The following NKAIN2 variants were observed in gnomAD, a reference collection of about 807,000 sequenced individuals.
NKAIN2 encodes the protein sodium/potassium-transporting ATPase subunit beta-1-interacting protein 2.
NKAIN2 carries 14 observed loss-of-function variants against 32.6 expected under a neutral mutation model. The ratio of observed to expected loss-of-function variants is 0.43; its 90% CI spans 0.28 to 0.67. NKAIN2 has a LOEUF of 0.67. Ranked by LOEUF, NKAIN2 falls within the 30% of genes least tolerant of loss-of-function variation. The pLI, the probability that NKAIN2 is intolerant of heterozygous loss-of-function variation, is 0.17. For missense variants in NKAIN2, 198 were observed against 258.3 expected (o/e 0.77, Z 1.60); for synonymous variants, 80 against 87.2 (o/e 0.92, Z 0.46).
intron 3 of NKAIN2, among the ~76,000 whole-genome samples, chr6:124,561,337 A>C (rs1410283517): frequency 2.0e-5 from 3 of 152,170 alleles, no homozygotes; most frequent in African/African-American, 7.2e-5. Flanking sequence ...CTTTCCCATG[A>C]CATTTGCAAT....
At chr6:124,446,775 G>C (rs191283884) in intron 3 of NKAIN2, among the ~76,000 whole-genome samples, 90 of 152,154 alleles carry the variant, frequency 5.9e-4, no homozygotes, top group African/African-American at 1.9e-3. Flanking sequence ...CTCCTTTGTA[G>C]GTATATACAG....
chr6:124,606,441 T>C (rs1782501241), intron 3 of NKAIN2, among the ~76,000 whole-genome samples: 1 of 152,076 alleles, frequency 6.6e-6, no homozygotes, highest in African/African-American at 2.4e-5. Flanking sequence ...AGTGCTATAG[T>C]CTTTAATAGT....
At chr6:124,140,187 G>A (rs1436904265) in intron 1 of NKAIN2, among the ~76,000 whole-genome samples, 1 of 152,130 alleles carries the variant, frequency 6.6e-6, no homozygotes, top group Non-Finnish European at 1.5e-5. Context: ...TTGCCCCTGA[G>A]ACCTTCCTTT....
intron 1 of NKAIN2, among the ~76,000 whole-genome samples, chr6:124,133,984 C>G (rs538718483): frequency 6.6e-6 from 1 of 151,558 alleles, no homozygotes; most frequent in East Asian, 1.9e-4. Flanking sequence ...TCTATAACAC[C>G]CCCGAAAGAT....
intron 1 of NKAIN2, among the ~76,000 whole-genome samples, chr6:124,161,851 C>T (rs1766134215): frequency 6.6e-6 from 1 of 152,044 alleles, no homozygotes; most frequent in Non-Finnish European, 1.5e-5. Context: ...ATGCTCACTA[C>T]CTGGGTGACG....
rs1043902554 is a variant in NKAIN2 at position 124,766,891 on chromosome 6, T to C, written c.475-24448T>C. On this transcript the variant is annotated intron_variant, in intron 4 of 6. Transcript: ENST00000368417. Reference sequence around the variant, plus strand: ...AGTATTTTCCTCCTTTGAGCTGTCTTGTTTTTTGTTTTTTGTTTTTTTGAC... The same window carrying C: ...AGTATTTTCCTCCTTTGAGCTGTCTCGTTTTTTGTTTTTTGTTTTTTTGAC... 8.6e-5 allele frequency among the ~76,000 whole-genome samples: 13 copies of C among 151,664 alleles called. No homozygotes were observed. In the East Asian group the frequency reaches 1.6e-3, roughly 18 times the overall value.
intron 5 of NKAIN2, among the ~76,000 whole-genome samples, chr6:124,813,146 C>T (rs1432067646): frequency 6.6e-6 from 1 of 152,096 alleles, no homozygotes; most frequent in African/African-American, 2.4e-5. Context: ...ACATGAAGCA[C>T]ATGAACTAAA....
intron 1 of NKAIN2, among the ~76,000 whole-genome samples, chr6:123,998,729 T>TTC (rs564867802): frequency 7.3e-5 from 10 of 137,810 alleles, no homozygotes; most frequent in African/African-American, 2.4e-4. Flanking sequence ...AAATTGTTGT[T>TTC]TCTCTCTCTC....
At chr6:124,369,705 T>A (rs141915616) in intron 3 of NKAIN2, among the ~76,000 whole-genome samples, 1,703 of 152,026 alleles carry the variant, frequency 0.011, 36 homozygotes, top group African/African-American at 0.039. Flanking sequence ...GTATGTCCAA[T>A]TCCTCATACC....
intron 4 of NKAIN2, among the ~76,000 whole-genome samples, chr6:124,691,974 TGATAA>T (rs1482544444): frequency 5.9e-5 from 9 of 152,338 alleles, no homozygotes; most frequent in African/African-American, 2.2e-4. Flanking sequence ...GATCATCAAA[TGATAA>T]AAGTGCATTG....
intron 1 of NKAIN2, among the ~76,000 whole-genome samples, chr6:123,975,627 G>A (rs1582869902): frequency 6.6e-6 from 1 of 152,066 alleles, no homozygotes; most frequent in African/African-American, 2.4e-5. Flanking sequence ...CCAAGATCAA[G>A]GCAATCGTAG....
rs1454606310 is a variant in NKAIN2 at position 123,803,981 on chromosome 6, GTA to G, written c.-218_-217del. ...CGGCGTGTGCACCGAGCGAGTGAAGGTATGTGTGGCGGGCGCGGCTGGAGCTG... is the reference window on the plus strand; with the variant it reads ...CGGCGTGTGCACCGAGCGAGTGAAGGTGTGTGGCGGGCGCGGCTGGAGCTG... On this transcript the variant is annotated 5_prime_UTR_variant, in exon 1 of 7. The change abolishes an upstream ATG in the 5' untranslated region. Transcript: ENST00000368417. 2.6e-5 allele frequency among the ~76,000 whole-genome samples: 4 copies of G among 151,464 alleles called. No homozygotes were observed. The South Asian group carries it at 6.2e-4, about 24-fold the overall frequency.
chr6:124,070,205 C>T (rs766308718), intron 1 of NKAIN2, among the ~76,000 whole-genome samples: 1 of 152,090 alleles, frequency 6.6e-6, no homozygotes, highest in Non-Finnish European at 1.5e-5. Context: ...TTCTATTTAT[C>T]TTATAGACAT....
At chr6:124,565,121 C>G (rs1780859849) in intron 3 of NKAIN2, among the ~76,000 whole-genome samples, 1 of 152,112 alleles carries the variant, frequency 6.6e-6, no homozygotes, top group African/African-American at 2.4e-5. Context: ...TGTTGTTGAA[C>G]TCAGGGAGAG....
intron 4 of NKAIN2, among the ~76,000 whole-genome samples, chr6:124,770,235 C>G (rs1778689736): frequency 6.6e-6 from 1 of 152,178 alleles, no homozygotes; most frequent in African/African-American, 2.4e-5. Context: ...ATTGGTATCA[C>G]CTGTTCCTAG....
At chr6:123,816,053 G>A (rs1241996381) in intron 1 of NKAIN2, among the ~76,000 whole-genome samples, 1 of 152,122 alleles carries the variant, frequency 6.6e-6, no homozygotes, top group African/African-American at 2.4e-5. Flanking sequence ...TGTGGTACTA[G>A]TATACGATAG....
intron 1 of NKAIN2, among the ~76,000 whole-genome samples, chr6:124,123,395 A>G (rs984772683): frequency 1.3e-5 from 2 of 152,152 alleles, no homozygotes; most frequent in African/African-American, 4.8e-5. Context: ...AACCAAAAAT[A>G]AATTCCAAAA....
At chr6:124,181,941 C>T (rs1789465826) in intron 1 of NKAIN2, among the ~76,000 whole-genome samples, 8 of 152,194 alleles carry the variant, frequency 5.3e-5, no homozygotes, top group Admixed American at 5.2e-4. Flanking sequence ...TTTCAGTTAT[C>T]TTTAGAGCAG....
intron 4 of NKAIN2, among the ~76,000 whole-genome samples, chr6:124,743,769 C>T (rs1301659526): frequency 1.3e-5 from 2 of 151,780 alleles, no homozygotes; most frequent in Non-Finnish European, 1.5e-5. Flanking sequence ...AGAAAGTTAT[C>T]ATCTGTTATC....
Sources: gnomAD v4.1 joint callset for allele counts (sites outside exome capture counted in the v4.1 genomes callset) on GRCh38, gnomAD v4.1.1 for gene constraint, MANE v1.5 for transcripts, NCBI Gene and HGNC (gene_info 2026-07-23, HGNC 2026-07-21) for gene names.